LIFR: variants seen among roughly 807,000 people sequenced by gnomAD.
LIFR encodes the protein LIF receptor subunit alpha.
Under a neutral mutation model 122.2 loss-of-function variants are expected in LIFR, and 84 were observed. The observed-to-expected ratio is 0.69, with a 90% CI of 0.58 to 0.82. The LOEUF (loss-of-function observed/expected upper bound fraction) is 0.82, where lower values mean the gene tolerates loss of function less well. Ranked by LOEUF, LIFR falls within the 40% of genes least tolerant of loss-of-function variation. LIFR has a pLI of 0.00. For missense variants in LIFR, 1,294 were observed against 1,311.6 expected (o/e 0.99, Z 0.21); for synonymous variants, 422 against 434.7 (o/e 0.97, Z 0.36).
intron 1 of LIFR, 53 bp downstream of exon 1, chr5:38,556,281 G>C (rs1018870857): frequency 6.6e-6 from 1 of 151,804 alleles, no homozygotes. Context: ...ACCCCGCTCG[G>C]GGCTCCGCGG....
rs1270393532 is a variant in LIFR, at chr5:38,530,566, A to T, written c.82T>A (p.Trp28Arg). The T allele has an allele frequency of 6.2e-6, 10 of 1,612,938 alleles. No homozygotes were observed. In the East Asian group the frequency reaches 2.2e-4, roughly 36 times the overall value. The change falls in exon 2 of 20, where the codon TGG (tryptophan) becomes AGG (arginine). Residue 28 changes from tryptophan (W) to arginine (R), a missense_variant. Transcript: ENST00000453190. ...AGAAGAATAAATGTTGATAACAGCC[A>T]CTGGAAATTTGAAGCAGTCCTCATT... ...KRMRTASNFQ[W>R]LLSTFILLYL...
chr5:38,478,207 C>G lies in LIFR; in HGVS notation c.*3388G>C, dbSNP rs1743813430. ...AAGAAACTATAGGACTTATTTCCAA[C>G]AAGAATACAATATGCATGAAGTTTT... On this transcript the variant is annotated 3_prime_UTR_variant, in exon 20 of 20. Coordinates refer to ENST00000453190, the MANE Select transcript of LIFR (RefSeq NM_001127671.2). The G allele has an allele frequency of 9.6e-6, 2 of 207,650 alleles. No individual in the cohort carries two copies. The highest frequency in any genetic ancestry group is 1.5e-4 in the East Asian group (2 of 13,572). 12.9% of individuals were successfully genotyped at this position (207,650 alleles called of 1,614,324 possible). A position where few individuals can be genotyped will look rare whatever the true frequency, so the allele number is the denominator to read the frequency against.
chr5:38,554,913 T>A (rs1335947029), intron 1 of LIFR: 1 of 152,226 alleles, frequency 6.6e-6, no homozygotes. Flanking sequence ...ACAAAAGTTT[T>A]GCTCCTTCAA....
chr5:38,569,395 T>C (rs1749135227), intron 1 of LIFR, among the ~76,000 whole-genome samples: 2 of 152,162 alleles, frequency 1.3e-5, no homozygotes, highest in South Asian at 4.1e-4. Context: ...AGCAGGAGGC[T>C]GCTCAGCAGG....
chr5:38,486,030 T>A (rs370209005), intron 16 of LIFR, 50 bp from the exon 17 acceptor site: 15 of 1,543,456 alleles, frequency 9.7e-6, no homozygotes, highest in Non-Finnish European at 1.3e-5. Flanking sequence ...CCGTTTCAAA[T>A]GCATGGTTAC....
intron 2 of LIFR, among the ~76,000 whole-genome samples, chr5:38,605,217 C>T (rs1171736333): frequency 6.6e-6 from 1 of 151,950 alleles, no homozygotes; most frequent in East Asian, 1.9e-4. Flanking sequence ...TTTAGAGGGC[C>T]CTGAGGGGTG....
intron 1 of LIFR, among the ~76,000 whole-genome samples, chr5:38,551,502 G>T (rs1748197623): frequency 6.6e-6 from 1 of 152,228 alleles, no homozygotes; most frequent in East Asian, 1.9e-4. Flanking sequence ...GATTCAAGGT[G>T]TCTTTGGAGA....
At position 38,481,926 on chromosome 5, in the gene LIFR, TCTG is replaced by T; in HGVS notation, c.2960_2962del (p.Pro987_Glu988delinsGln). The T allele has an allele frequency of 1.9e-6, 3 of 1,614,186 alleles. No homozygotes were observed. The highest frequency in any genetic ancestry group is 2.5e-6 in the Non-Finnish European group (3 of 1,180,036). ...TACAGGGTCATTTTCTTGTTCTTCT[TCTG>T]GTTTTGCTTGAGGCTGATACATCGA... On this transcript the variant is annotated inframe_deletion, in exon 20 of 20. Coordinates refer to ENST00000453190, the MANE Select transcript of LIFR (RefSeq NM_001127671.2).
chr5:38,543,715 T>C (rs1290355062), intron 1 of LIFR, among the ~76,000 whole-genome samples: 1 of 152,198 alleles, frequency 6.6e-6, no homozygotes, highest in African/African-American at 2.4e-5. Context: ...CATCTCTGCA[T>C]GCATTCCAGC....
At chr5:38,555,228 T>C (rs1444404510) in intron 1 of LIFR, among the ~76,000 whole-genome samples, 2 of 152,212 alleles carry the variant, frequency 1.3e-5, no homozygotes, top group African/African-American at 2.4e-5. Flanking sequence ...AGGCTTCCTT[T>C]TCTCTGCCAG....
In LIFR at chr5:38,479,516, G is replaced by A. The variant is rs988702753; in HGVS notation, c.*2079C>T. Reference sequence around the variant, plus strand: ...GTCACAGTTGAAATGCATATATATTGACAGACAGAGATCAAACAATCTCTT... The same window carrying A: ...GTCACAGTTGAAATGCATATATATTAACAGACAGAGATCAAACAATCTCTT... On this transcript the variant is annotated 3_prime_UTR_variant, in exon 20 of 20. Transcript: ENST00000453190. 4.3e-6 allele frequency: 1 copy of A among 231,184 alleles called. No homozygotes were observed. The highest frequency in any genetic ancestry group is 2.2e-5 in the African/African-American group (1 of 45,252). 14.3% of individuals were successfully genotyped at this position (231,184 alleles called of 1,614,324 possible). A position where few individuals can be genotyped will look rare whatever the true frequency, so the allele number is the denominator to read the frequency against.
chr5:38,563,360 A>T (rs1021946040), intron 1 of LIFR, among the ~76,000 whole-genome samples: 20 of 152,196 alleles, frequency 1.3e-4, no homozygotes, highest in Non-Finnish European at 2.5e-4. Flanking sequence ...TCTAGAAAAG[A>T]GAAACATAGC....
At position 38,528,722 on chromosome 5, in the gene LIFR, T is replaced by C. The variant is rs759140605; in HGVS notation, c.257+4A>G. The C allele has an allele frequency of 5.9e-6, 9 of 1,532,100 alleles. No individual in the cohort carries two copies. The allele number at this position is 1,532,100 out of a possible 1,614,324, so 94.9% of individuals were successfully genotyped here. The stretch of plus-strand genomic sequence containing the variant: ...CATTGTGAATTAAAGTAAATTAAAA[T>C]TACCTGTTTTCAATGCAAACTTCAT... On this transcript the variant is annotated splice_donor_region_variant and intron_variant, in intron 3 of 19. Coordinates refer to ENST00000453190, the MANE Select transcript of LIFR (RefSeq NM_001127671.2).
intron 6 of LIFR, among the ~76,000 whole-genome samples, chr5:38,511,517 C>A (rs1745802757): frequency 6.6e-6 from 1 of 151,682 alleles, no homozygotes; most frequent in South Asian, 2.1e-4. Flanking sequence ...ATCATCTACA[C>A]ACAATTTTTA....
At chr5:38,489,994 CAAAAAAAAAA>C (rs58235156) in intron 15 of LIFR, among the ~76,000 whole-genome samples, 186 bp downstream of exon 15, 23 of 49,686 alleles carry the variant, frequency 4.6e-4, no homozygotes, top group African/African-American at 1.5e-3. Flanking sequence ...GACCCTCTCT[CAAAAAAAAAA>C]AAAAAAAAAA....
chr5:38,559,821 G>C (rs958031099), upstream of LIFR, among the ~76,000 whole-genome samples: 4 of 152,160 alleles, frequency 2.6e-5, no homozygotes, highest in Admixed American at 6.5e-5. Context: ...TGTGCTAAAC[G>C]TCTGTGATCT....
chr5:38,565,295 C>T (rs1410128399), intron 1 of LIFR, among the ~76,000 whole-genome samples: 2 of 152,038 alleles, frequency 1.3e-5, no homozygotes, highest in African/African-American at 4.8e-5. Flanking sequence ...ACAGCCCTCA[C>T]TAATTTAGGC....
At chr5:38,557,214 C>G (rs377453193), upstream of LIFR, 2 of 152,322 alleles carry the variant, frequency 1.3e-5, no homozygotes, top group East Asian at 3.9e-4. Flanking sequence ...CCCGAGATGG[C>G]CAGCGGGCGC....
chr5:38,561,013 A>G (rs1748817540), upstream of LIFR, among the ~76,000 whole-genome samples: 1 of 152,202 alleles, frequency 6.6e-6, no homozygotes, highest in Non-Finnish European at 1.5e-5. Context: ...GAGACAAACA[A>G]TAGTATTTGA....
Sources: allele counts gnomAD v4.1 joint callset (sites outside exome capture counted in the v4.1 genomes callset), GRCh38; gene constraint gnomAD v4.1.1; transcripts MANE v1.5; gene names NCBI Gene and HGNC (gene_info 2026-07-23, HGNC 2026-07-21).